MAGI1: variants seen among roughly 807,000 people sequenced by gnomAD.
MAGI1 encodes membrane associated guanylate kinase, WW and PDZ domain containing 1, also known as membrane-associated guanylate kinase, WW and PDZ domain-containing protein 1.
A neutral mutation model predicts 139.9 loss-of-function variants in MAGI1; 58 were observed. That is an observed-to-expected ratio of 0.41 (90% CI 0.34 to 0.52). The LOEUF (loss-of-function observed/expected upper bound fraction) is 0.52. Among genes scored for constraint, MAGI1 ranks in the 20% least tolerant of loss-of-function variants. MAGI1 has a pLI of 0.12. For synonymous variants in MAGI1, 812 were observed against 737.9 expected, an observed-to-expected ratio of 1.10 and a Z score of -1.63; for missense variants, 1,874 against 1,901.6, an observed-to-expected ratio of 0.99 and a Z score of 0.27.
At chr3:65,858,857 T>C (rs115132911) in intron 1 of MAGI1, among the ~76,000 whole-genome samples, 1 of 152,200 alleles carries the variant, frequency 6.6e-6, no homozygotes, top group Non-Finnish European at 1.5e-5. Flanking sequence ...CTGATTGGCT[T>C]GTATTATTAT....
At chr3:65,687,655 G>T in intron 1 of MAGI1, 1 of 483,564 alleles carries the variant, frequency 2.1e-6, no homozygotes. Context: ...CCACAGTGCA[G>T]CTGCCCCGCT....
intron 5 of MAGI1, among the ~76,000 whole-genome samples, chr3:65,459,625 C>G (rs1409185548): frequency 2.0e-5 from 3 of 151,990 alleles, no homozygotes; most frequent in African/African-American, 7.3e-5. Context: ...GAACTATAAC[C>G]CTGGCTAGAA....
intron 2 of MAGI1, chr3:65,498,880 T>C (rs2076975502): frequency 3.0e-6 from 1 of 330,710 alleles, no homozygotes; most frequent in Admixed American, 6.5e-5. Flanking sequence ...AATAGCCACA[T>C]GTGGCTAGTG....
chr3:65,535,924 T>G (rs2078939257), intron 2 of MAGI1, among the ~76,000 whole-genome samples: 1 of 152,166 alleles, frequency 6.6e-6, no homozygotes, highest in African/African-American at 2.4e-5. Context: ...GTTGAATTTT[T>G]TAAAATATAG....
chr3:65,833,795 C>T (rs11720720), intron 1 of MAGI1, among the ~76,000 whole-genome samples: 15,299 of 152,162 alleles, frequency 0.1, 988 homozygotes, highest in South Asian at 0.26. Flanking sequence ...AGAAAAGTTT[C>T]CTTAATTGAG....
chr3:65,997,490 A>C (rs1222383305), intron 1 of MAGI1, among the ~76,000 whole-genome samples: 1 of 151,998 alleles, frequency 6.6e-6, no homozygotes, highest in Non-Finnish European at 1.5e-5. Context: ...CCCCATCTCT[A>C]CTAAATATAC....
intron 2 of MAGI1, chr3:65,532,910 G>A (rs1214167102): frequency 6.6e-6 from 1 of 152,208 alleles, no homozygotes; most frequent in Non-Finnish European, 1.5e-5. Flanking sequence ...CAACGTTAGG[G>A]GTGTCGCTGG....
At chr3:65,400,937 C>A (rs1553640012) in intron 13 of MAGI1, among the ~76,000 whole-genome samples, 2 of 151,962 alleles carry the variant, frequency 1.3e-5, no homozygotes, top group South Asian at 2.1e-4. Context: ...CAAAGCAATT[C>A]TTCCTTAAAC....
At chr3:65,545,819 C>T (rs938294774) in intron 2 of MAGI1, among the ~76,000 whole-genome samples, 2 of 151,948 alleles carry the variant, frequency 1.3e-5, no homozygotes, top group Admixed American at 6.6e-5. Flanking sequence ...CTTGCAGGCA[C>T]TTAGCCATGG....
chr3:65,883,809 G>T (rs1353151883), intron 1 of MAGI1, among the ~76,000 whole-genome samples: 1 of 152,090 alleles, frequency 6.6e-6, no homozygotes, highest in African/African-American at 2.4e-5. Context: ...TTTATCTTAG[G>T]TTTTGTGTAC....
At chr3:65,684,716 T>C (rs1019274829) in intron 1 of MAGI1, among the ~76,000 whole-genome samples, 1 of 151,964 alleles carries the variant, frequency 6.6e-6, no homozygotes, top group Non-Finnish European at 1.5e-5. Context: ...TGGTTTTGTT[T>C]TTTGAGACAG....
At chr3:65,368,410 A>G (rs1426701184) in intron 18 of MAGI1, among the ~76,000 whole-genome samples, 1 of 152,224 alleles carries the variant, frequency 6.6e-6, no homozygotes, top group Non-Finnish European at 1.5e-5. Flanking sequence ...ATGTATCAAG[A>G]GAAGCAAATC....
rs560556295 is a variant in MAGI1 at position 65,894,766 on chromosome 3, G to A, written c.313+143230C>T. Among the ~76,000 whole-genome samples, 8 of 152,310 alleles carry A rather than the reference G, an allele frequency of 5.3e-5. No individual in the cohort carries two copies. In the East Asian group the frequency reaches 1.4e-3, roughly 26 times the overall value. ...ACTCCATCTGATGCCAAAACTAAAA[G>A]GGGAGTTATCACTCATCACCATCAA... On this transcript the variant is annotated intron_variant, in intron 1 of 22. Coordinates refer to ENST00000402939, the MANE Select transcript of MAGI1 (RefSeq NM_001033057.2).
In MAGI1 at chr3:65,437,221, C is replaced by G; in HGVS notation, c.1297G>C (p.Val433Leu). The change falls in exon 10 of 23, where the codon GTG (valine) becomes CTG (leucine). Residue 433 changes from valine (V) to leucine (L), a missense_variant. This residue lies in a region of MAGI1 where 648 missense variants were observed against 598.1 expected (regional missense o/e 1.08). Coordinates refer to ENST00000402939, the MANE Select transcript of MAGI1 (RefSeq NM_001033057.2). ...EEWTEDHSAL[V>L]PPVIPNHPPS... is the part of the protein sequence containing the mutation. Reference sequence around the variant, plus strand: ...GGGTGGTTTGGAATAACAGGAGGCACAAGGGCTGAGTGATCTTCTGTCCAT... The same window carrying G: ...GGGTGGTTTGGAATAACAGGAGGCAGAAGGGCTGAGTGATCTTCTGTCCAT... 1 of 1,611,662 alleles carries G rather than the reference C, an allele frequency of 6.2e-7. No individual in the cohort carries two copies. Among genetic ancestry groups the G allele is most frequent in the South Asian group, 1.1e-5 (1 of 90,964 alleles).
intron 2 of MAGI1, among the ~76,000 whole-genome samples, chr3:65,516,921 G>A (rs2077926257): frequency 6.7e-6 from 1 of 150,198 alleles, no homozygotes; most frequent in South Asian, 2.1e-4. Flanking sequence ...GTAGAGACGG[G>A]GTTTCACCGT....
intron 1 of MAGI1, among the ~76,000 whole-genome samples, chr3:65,852,711 C>G (rs2059245516): frequency 6.6e-6 from 1 of 151,910 alleles, no homozygotes; most frequent in Admixed American, 6.6e-5. Flanking sequence ...CCACATTGGT[C>G]AGGCTGGTCT....
At chr3:65,847,769 T>C (rs2059056438) in intron 1 of MAGI1, among the ~76,000 whole-genome samples, 1 of 152,192 alleles carries the variant, frequency 6.6e-6, no homozygotes, top group African/African-American at 2.4e-5. Context: ...GATGATGAAA[T>C]TCCACTGGGT....
intron 13 of MAGI1, among the ~76,000 whole-genome samples, chr3:65,398,876 A>G (rs1944623325): frequency 6.6e-6 from 1 of 152,182 alleles, no homozygotes; most frequent in Non-Finnish European, 1.5e-5. Context: ...TTTAAACTAA[A>G]TCTTGAAGGT....
chr3:65,717,199 C>A (rs1360975657), intron 1 of MAGI1, among the ~76,000 whole-genome samples: 1 of 152,118 alleles, frequency 6.6e-6, no homozygotes, highest in East Asian at 1.9e-4. Flanking sequence ...TAATATAGGA[C>A]AAACAACCGA....
Sources: allele counts gnomAD v4.1 joint callset (sites outside exome capture counted in the v4.1 genomes callset), GRCh38; gene constraint gnomAD v4.1.1; regional missense constraint gnomAD v4.1.1; transcripts MANE v1.5; gene names NCBI Gene and HGNC (gene_info 2026-07-23, HGNC 2026-07-21).